The following GAD1 variants were observed in gnomAD, a reference collection of about 807,000 sequenced individuals.
The protein encoded by GAD1 is 67 kDa glutamic acid decarboxylase.
Under a neutral mutation model 75.2 loss-of-function variants are expected in GAD1, and 35 were observed. The observed-to-expected ratio is 0.47, with a 90% CI of 0.36 to 0.62. The LOEUF (loss-of-function observed/expected upper bound fraction) is 0.62, where lower values mean the gene tolerates loss of function less well. GAD1 is among the 20% of genes least tolerant of loss of function. The probability of loss-of-function intolerance (pLI) is 0.00; values close to 1 mark genes in which losing one functional copy is unlikely to be tolerated. For missense variants in GAD1, 490 were observed against 758.5 expected (o/e 0.65, Z 4.16); for synonymous variants, 257 against 271.9 (o/e 0.95, Z 0.54).
chr2:170,843,980 T>A (rs1049886733), intron 6 of GAD1, 65 bp from the exon 7 acceptor site: 4 of 870,198 alleles, frequency 4.6e-6, no homozygotes, highest in African/African-American at 1.7e-5. Context: ...CAATCCTCTG[T>A]GTTCCTAAAA....
intron 6 of GAD1, chr2:170,842,769 C>A: frequency 2.7e-6 from 4 of 1,479,038 alleles, no homozygotes; most frequent in Non-Finnish European, 2.7e-6. Flanking sequence ...ATCTGAGGAT[C>A]CTTCAGGATC....
chr2:170,826,685 G>A (rs1559270836), intron 3 of GAD1, among the ~76,000 whole-genome samples: 1 of 152,180 alleles, frequency 6.6e-6, no homozygotes, highest in Non-Finnish European at 1.5e-5. Context: ...GCTGCCCAGA[G>A]GGAAGGGGCT....
chr2:170,818,727 T>C lies in GAD1; in HGVS notation c.82+54T>C, dbSNP rs1701780456. The C allele has an allele frequency of 4.5e-6, 7 of 1,554,390 alleles. No homozygotes were observed. Among genetic ancestry groups the C allele is most frequent in the Non-Finnish European group, 6.2e-6 (7 of 1,125,798 alleles). On this transcript the variant is annotated intron_variant, in intron 2 of 16. Transcript: ENST00000358196. This position sits in a 1 kb window ranked among gnomAD's most constrained non-coding sequence, Gnocchi z 5.9. ...TGAACTGCAGGGAAGATGGGGGCGC[T>C]GGGACGTCGGGAGGCTGAGCTGGCG...
intron 6 of GAD1, among the ~76,000 whole-genome samples, chr2:170,843,254 G>A (rs1702557678): frequency 6.6e-6 from 1 of 152,318 alleles, no homozygotes; most frequent in East Asian, 1.9e-4. Flanking sequence ...GCTTTGAAAA[G>A]AGCATGGCTT....
chr2:170,846,880 C>T (rs1047455899), intron 10 of GAD1, among the ~76,000 whole-genome samples: 4 of 152,220 alleles, frequency 2.6e-5, no homozygotes, highest in South Asian at 2.1e-4. Context: ...TGGTGGTGCA[C>T]GCCTATAGTC....
In GAD1 at chr2:170,818,642, G is replaced by A. The variant is rs371482566; in HGVS notation, c.51G>A (p.Ala17=). The A allele has an allele frequency of 2.5e-6, 4 of 1,613,902 alleles. No individual in the cohort carries two copies. The highest frequency in any genetic ancestry group is 2.7e-5 in the African/African-American group (2 of 74,860). Residue 17 remains alanine (A), a synonymous_variant, in exon 2 of 17, where the codon GCG becomes GCA. Coordinates refer to ENST00000358196, the MANE Select transcript of GAD1 (RefSeq NM_000817.3). The surrounding 1 kb of genome is among the most constrained non-coding windows in gnomAD (Gnocchi z 5.9). ...CCGCAACCTCCTCGAACGCGGGAGC[G>A]GACCCCAATACCACTAACCTGCGCC... ...SSSATSSNAG[A]DPNTTNLRPT...
chr2:170,842,872 CA>C lies in GAD1; in HGVS notation c.639-1171del, dbSNP rs1244186442. On this transcript the variant is annotated intron_variant, in intron 6 of 16. Coordinates refer to ENST00000358196, the MANE Select transcript of GAD1 (RefSeq NM_000817.3). ...AGCTTCACCTGTGTCTTATGTAAAA[CA>C]ATAGTTATCTCATCCTTACAAATAG... The C allele has an allele frequency of 4.0e-5, 27 of 682,368 alleles. No homozygotes were observed. In the Admixed American group the frequency reaches 6.2e-4, roughly 16 times the overall value. The allele number at this position is 682,368 out of a possible 1,614,324, so 42.3% of individuals were successfully genotyped here.
At chr2:170,843,314 T>C (rs1405471844) in intron 6 of GAD1, among the ~76,000 whole-genome samples, 3 of 152,252 alleles carry the variant, frequency 2.0e-5, no homozygotes, top group Non-Finnish European at 2.9e-5. Context: ...TTCCAAGATA[T>C]CTGATGCCCA....
intron 2 of GAD1, chr2:170,821,830 GA>G: frequency 1.9e-6 from 1 of 529,086 alleles, no homozygotes; most frequent in Non-Finnish European, 3.4e-6. Context: ...TACGGGCCCG[GA>G]GGGGCGCCGG....
At chr2:170,824,944 G>GTGTGTGTGTT (rs1368498591) in intron 3 of GAD1, among the ~76,000 whole-genome samples, 3 of 151,856 alleles carry the variant, frequency 2.0e-5, no homozygotes, top group African/African-American at 4.8e-5. Context: ...GTGTGTGTGT[G>GTGTGTGTGTT]TGTGTGTATG....
chr2:170,843,991 T>G (rs1702577755), intron 6 of GAD1, 54 bp from the exon 7 acceptor site: 1 of 975,174 alleles, frequency 1.0e-6, no homozygotes, highest in Non-Finnish European at 1.7e-6. Flanking sequence ...GTTCCTAAAA[T>G]AAGTGGTTTG....
At chr2:170,839,471 G>C (rs1341963477) in intron 6 of GAD1, among the ~76,000 whole-genome samples, 1 of 151,984 alleles carries the variant, frequency 6.6e-6, no homozygotes, top group Non-Finnish European at 1.5e-5. Flanking sequence ...AAAATGAGCC[G>C]GGTGTGGTGG....
rs189110018 is a variant in GAD1 at position 170,818,311 on chromosome 2, C to G, written c.-63-218C>G. ...CGCCAGACTCGAGAGCGGCCCAGGG[C>G]TACGCTCCCTGCGCCCCAGTACCGG... is the stretch of plus-strand genomic sequence containing the variant. On this transcript the variant is annotated intron_variant, in intron 1 of 16. Transcript: ENST00000358196. The surrounding 1 kb of genome is among the most constrained non-coding windows in gnomAD (Gnocchi z 5.9). 1.9e-4 allele frequency: 83 copies of G among 437,494 alleles called. No individual in the cohort carries two copies. Among genetic ancestry groups the G allele is most frequent in the African/African-American group, 1.5e-3 (75 of 49,320 alleles). 27.1% of individuals were successfully genotyped at this position (437,494 alleles called of 1,614,324 possible).
intron 14 of GAD1, 99 bp downstream of exon 14, chr2:170,854,121 T>G (rs917235285): frequency 3.3e-6 from 4 of 1,208,502 alleles, no homozygotes; most frequent in Non-Finnish European, 4.9e-6. Context: ...ATTCACTATA[T>G]GGGGAATCAA....
rs147006073 is a variant in GAD1, at chr2:170,842,845, G to T, written c.639-1200G>T. 5.5e-4 allele frequency: 498 copies of T among 906,354 alleles called. 2 individuals are homozygous for T. In the Middle Eastern group the frequency reaches 6.0e-3, roughly 11 times the overall value. The allele number at this position is 906,354 out of a possible 1,614,324, so 56.1% of individuals were successfully genotyped here. A position where few individuals can be genotyped will look rare whatever the true frequency, so the allele number is the denominator to read the frequency against. On this transcript the variant is annotated intron_variant, in intron 6 of 16. Transcript: ENST00000358196. ...TTTTTTCATCCACAATTAAAACTTAGTAGCTTCACCTGTGTCTTATGTAAA... is the reference window on the plus strand; with the variant it reads ...TTTTTTCATCCACAATTAAAACTTATTAGCTTCACCTGTGTCTTATGTAAA...
At chr2:170,833,336 A>G (rs1702289682) in intron 5 of GAD1, among the ~76,000 whole-genome samples, 1 of 152,242 alleles carries the variant, frequency 6.6e-6, no homozygotes, top group Non-Finnish European at 1.5e-5. Flanking sequence ...TCATTAAATG[A>G]CTGATGGATA....
chr2:170,859,644 G>A, intron 16 of GAD1, 65 bp from the exon 17 acceptor site: 5 of 1,515,590 alleles, frequency 3.3e-6, no homozygotes, highest in Non-Finnish European at 4.6e-6. Flanking sequence ...AAGTTGGGTT[G>A]AATTGTTAAA....
chr2:170,826,918 T>C (rs976898893), intron 3 of GAD1, among the ~76,000 whole-genome samples: 5 of 152,234 alleles, frequency 3.3e-5, no homozygotes, highest in African/African-American at 1.2e-4. Flanking sequence ...TGCTGGCTCC[T>C]GGCTCTGGAC....
Position 170,847,670 on chromosome 2 carries a change from T to C in GAD1, c.1003-6T>C. ...CTCATCAGCCTATATCTGTCTTACC[T>C]TGTAGGGATATGTTCCCTTTTATGT... is the stretch of plus-strand genomic sequence containing the variant. On this transcript the variant is annotated splice_region_variant and splice_polypyrimidine_tract_variant and intron_variant, in intron 10 of 16. Transcript: ENST00000358196. 6.3e-7 allele frequency: 1 copy of C among 1,588,196 alleles called. No homozygotes were observed.
Sources: gnomAD v4.1 joint callset for allele counts (sites outside exome capture counted in the v4.1 genomes callset) on GRCh38, gnomAD v4.1.1 for gene constraint, Gnocchi (gnomAD v3.1) non-coding constraint, MANE v1.5 for transcripts, NCBI Gene and HGNC (gene_info 2026-07-23, HGNC 2026-07-21) for gene names.